Variants in GREB1L observed in about 807,000 individuals in gnomAD.
The protein encoded by GREB1L is GREB1 like retinoic acid receptor coactivator.
In GREB1L, 17 loss-of-function variants were observed where a neutral mutation model predicts 200.8. The ratio of observed to expected loss-of-function variants is 0.08; its 90% confidence interval spans 0.06 to 0.13. GREB1L has a LOEUF of 0.13. GREB1L is among the 10% of genes least tolerant of loss of function. GREB1L has a pLI of 1.00. For missense variants in GREB1L, 1,657 were observed against 2,367.7 expected (o/e 0.70, Z 6.23); for synonymous variants, 789 against 893.0 (o/e 0.88, Z 2.08).
chr18:21,437,720 G>C (rs998789037), intron 7 of GREB1L, among the ~76,000 whole-genome samples: 1 of 152,138 alleles, frequency 6.6e-6, no homozygotes, highest in African/African-American at 2.4e-5. Flanking sequence ...CAAATTAATT[G>C]TAAGAAAGAA....
rs1035246465 is a variant in GREB1L, at chr18:21,525,415, C to T, written c.*2594C>T. The stretch of plus-strand genomic sequence containing the variant: ...ATGTATTAAAGTTATCTCCCACCCC[C>T]TCCAAAAAGTTATTTTTTCTTTATA... On this transcript the variant is annotated 3_prime_UTR_variant, in exon 33 of 33. Coordinates refer to ENST00000424526, the MANE Select transcript of GREB1L (RefSeq NM_001142966.3). The T allele has an allele frequency of 6.6e-6, 1 of 152,096 alleles. No homozygotes were observed. Among genetic ancestry groups the T allele is most frequent in the Non-Finnish European group, 1.5e-5 (1 of 68,022 alleles). 9.4% of individuals were successfully genotyped at this position (152,096 alleles called of 1,614,324 possible).
intron 4 of GREB1L, among the ~76,000 whole-genome samples, chr18:21,386,785 G>A (rs1346759622): frequency 1.3e-5 from 2 of 152,030 alleles, no homozygotes; most frequent in African/African-American, 4.8e-5. Context: ...GATTACAGGC[G>A]TGAGCCACCA....
intron 19 of GREB1L, 145 bp downstream of exon 19, chr18:21,490,496 T>C: frequency 7.0e-6 from 5 of 709,774 alleles, no homozygotes; most frequent in Non-Finnish European, 4.6e-6. Context: ...AAGGGACATA[T>C]TCACTTTCTT....
intron 15 of GREB1L, among the ~76,000 whole-genome samples, chr18:21,456,367 G>A (rs191675244): frequency 2.0e-5 from 3 of 152,144 alleles, no homozygotes; most frequent in Non-Finnish European, 4.4e-5. Context: ...AATACTTCAG[G>A]GGATGGATAC....
At chr18:21,370,734 C>T (rs1355623731) in intron 2 of GREB1L, among the ~76,000 whole-genome samples, 3 of 152,158 alleles carry the variant, frequency 2.0e-5, no homozygotes, top group African/African-American at 2.4e-5. Flanking sequence ...ATTGTACATA[C>T]TCTAGAGTTG....
intron 27 of GREB1L, among the ~76,000 whole-genome samples, chr18:21,510,709 G>A (rs147864682): frequency 1.2e-4 from 18 of 152,214 alleles, no homozygotes; most frequent in Non-Finnish European, 2.4e-4. Context: ...ATCTAGAAGC[G>A]AGATTGCTAG....
At chr18:21,373,913 G>A (rs1017871082) in intron 2 of GREB1L, among the ~76,000 whole-genome samples, 1 of 151,992 alleles carries the variant, frequency 6.6e-6, no homozygotes, top group African/African-American at 2.4e-5. Flanking sequence ...TGGTCAGTTG[G>A]ATTTATTCTC....
At chr18:21,315,379 C>A (rs2038851626) in intron 1 of GREB1L, among the ~76,000 whole-genome samples, 1 of 152,210 alleles carries the variant, frequency 6.6e-6, no homozygotes, top group Non-Finnish European at 1.5e-5. Context: ...GCATGAGCTA[C>A]CACGCCCAGC....
intron 1 of GREB1L, among the ~76,000 whole-genome samples, chr18:21,335,719 A>C (rs1267802807): frequency 6.8e-6 from 1 of 147,174 alleles, no homozygotes; most frequent in Non-Finnish European, 1.5e-5. Flanking sequence ...GCTGGAGTGC[A>C]GTGGCTCAAT....
At chr18:21,347,677 G>A (rs1226903113) in intron 1 of GREB1L, among the ~76,000 whole-genome samples, 2 of 150,212 alleles carry the variant, frequency 1.3e-5, no homozygotes, top group African/African-American at 4.9e-5. Context: ...GACTAGTCTC[G>A]AACTCCTGAC....
chr18:21,476,604 G>A (rs1438748962), intron 16 of GREB1L, among the ~76,000 whole-genome samples: 1 of 151,694 alleles, frequency 6.6e-6, no homozygotes, highest in African/African-American at 2.4e-5. Context: ...CAGTCTAGCT[G>A]TGTTGCCCAG....
At chr18:21,283,371 T>A (rs1468775117) in intron 1 of GREB1L, among the ~76,000 whole-genome samples, 1 of 152,190 alleles carries the variant, frequency 6.6e-6, no homozygotes, top group East Asian at 1.9e-4. Flanking sequence ...AGCAGCAACA[T>A]CACAGTGCTT....
Position 21,383,616 on chromosome 18 carries a change from C to T in GREB1L, c.98C>T (p.Pro33Leu). ...TCCCTCAGATGTAGTAGTGTGGTAC[C>T]ACGGCCAATTTTTTCCCAGCTATAC... ...EASLRCSSVV[P>L]RPIFSQLYLD... Residue 33 changes from proline to leucine, a missense_variant, in exon 3 of 33, where the codon CCA (proline) becomes CTA (leucine). Pro to Leu is a moderately conservative substitution (Grantham distance 98). Transcript: ENST00000424526. 2 of 1,550,962 alleles carry T rather than the reference C, an allele frequency of 1.3e-6. No homozygotes were observed. Among genetic ancestry groups the T allele is most frequent in the Non-Finnish European group, 1.7e-6 (2 of 1,146,624 alleles).
chr18:21,520,742 G>A lies in GREB1L; in HGVS notation c.5527G>A (p.Gly1843Arg), dbSNP rs773484697. Residue 1843 changes from glycine (G) to arginine (R), a missense_variant, in exon 32 of 33, where the codon GGG becomes AGG. This residue lies in a region of GREB1L where 190 missense variants were observed against 230.2 expected (regional missense o/e 0.83). Coordinates refer to ENST00000424526, the MANE Select transcript of GREB1L (RefSeq NM_001142966.3). Reference sequence around the variant, plus strand: ...CCACTCCAGCAATGTCAACTGTGAAGGGGTGTTTTTCAGTGGACTCCTTTT... The same window carrying A: ...CCACTCCAGCAATGTCAACTGTGAAAGGGTGTTTTTCAGTGGACTCCTTTT... ...RPHSSNVNCE[G>R]VFFSGLLLYL... The A allele has an allele frequency of 6.4e-7, 1 of 1,551,186 alleles. No homozygotes were observed. Among genetic ancestry groups the A allele is most frequent in the South Asian group, 1.2e-5 (1 of 84,036 alleles).
chr18:21,427,519 C>T, intron 7 of GREB1L, among the ~76,000 whole-genome samples: 1 of 152,044 alleles, frequency 6.6e-6, no homozygotes, highest in Non-Finnish European at 1.5e-5. Flanking sequence ...AAACAAAAAA[C>T]AAAAAAACCA....
chr18:21,451,789 C>T (rs1342227123), intron 13 of GREB1L, among the ~76,000 whole-genome samples: 4 of 152,090 alleles, frequency 2.6e-5, no homozygotes, highest in Non-Finnish European at 5.9e-5. Flanking sequence ...AACCACTGCG[C>T]CCAGCCTGGA....
chr18:21,279,106 T>A (rs912899863), intron 1 of GREB1L, among the ~76,000 whole-genome samples: 3 of 152,146 alleles, frequency 2.0e-5, no homozygotes, highest in Middle Eastern at 3.2e-3. Context: ...GCAGTTTGTC[T>A]CATCATTTCA....
At chr18:21,492,434 T>C (rs1301435601) in intron 19 of GREB1L, among the ~76,000 whole-genome samples, 1 of 152,210 alleles carries the variant, frequency 6.6e-6, no homozygotes, top group East Asian at 1.9e-4. Context: ...TTGCCAGAGA[T>C]GACCTAAATG....
intron 7 of GREB1L, among the ~76,000 whole-genome samples, chr18:21,428,843 G>A (rs1568002236): frequency 6.7e-6 from 1 of 148,306 alleles, no homozygotes. Flanking sequence ...TCAGCCTCCC[G>A]AGTTGCTGAG....
Sources: allele counts gnomAD v4.1 joint callset (sites outside exome capture counted in the v4.1 genomes callset), GRCh38; gene constraint gnomAD v4.1.1; regional missense constraint gnomAD v4.1.1; transcripts MANE v1.5; gene names NCBI Gene and HGNC (gene_info 2026-07-23, HGNC 2026-07-21).